Variants in ANO1 observed in about 807,000 individuals in gnomAD.
ANO1 encodes anoctamin 1.
Under a neutral mutation model 124.0 loss-of-function variants are expected in ANO1, and 59 were observed. That is an observed-to-expected ratio of 0.48 (90% CI 0.39 to 0.59). The LOEUF is 0.59. Among genes scored for constraint, ANO1 ranks in the 20% least tolerant of loss-of-function variants. The probability of loss-of-function intolerance (pLI) is 0.00; values close to 1 mark genes in which losing one functional copy is unlikely to be tolerated. For missense variants in ANO1, 1,059 were observed against 1,328.0 expected, an observed-to-expected ratio of 0.80 and a Z score of 3.15; for synonymous variants, 529 against 532.0, an observed-to-expected ratio of 0.99 and a Z score of 0.08.
At chr11:69,976,329 G>A in the ANO1 span, among the ~76,000 whole-genome samples, 1 of 151,872 alleles carries the variant, frequency 6.6e-6, no homozygotes, top group Non-Finnish European at 1.5e-5. Flanking sequence ...CTAACACGGT[G>A]AAACCCCGTC....
At chr11:70,106,456 G>A (rs755016) in intron 5 of ANO1, among the ~76,000 whole-genome samples, 52,400 of 152,052 alleles carry the variant, frequency 0.34, 10,708 homozygotes, top group East Asian at 0.57. Flanking sequence ...CAGAGGGCTG[G>A]GAGGAGACAG....
intron 2 of ANO1, among the ~76,000 whole-genome samples, chr11:70,089,831 G>A (rs1320390917): frequency 6.6e-6 from 1 of 152,172 alleles, no homozygotes; most frequent in Non-Finnish European, 1.5e-5. Flanking sequence ...AGAACAATGC[G>A]GCTACTATAC....
intron 22 of ANO1, among the ~76,000 whole-genome samples, chr11:70,177,801 G>T (rs755121754): frequency 1.1e-4 from 17 of 152,030 alleles, no homozygotes; most frequent in Non-Finnish European, 2.1e-4. Context: ...GCTTCGCCAT[G>T]TTGGCCAGGC....
intron 1 of ANO1, among the ~76,000 whole-genome samples, chr11:70,016,889 C>A (rs781894533): frequency 7.9e-5 from 12 of 152,270 alleles, no homozygotes; most frequent in Non-Finnish European, 1.2e-4. Context: ...TCTCACACTG[C>A]AGCCCTCTGT....
Position 70,116,455 on chromosome 11 carries a change from C to T in ANO1, c.856-3C>T. ...GAACGTCCCTTTCCTCTTTTTTTAACAGGGAGACTACAACGGTGAAAACGT... is the reference window on the plus strand; with the variant it reads ...GAACGTCCCTTTCCTCTTTTTTTAATAGGGAGACTACAACGGTGAAAACGT... On this transcript the variant is annotated splice_polypyrimidine_tract_variant and splice_region_variant and intron_variant, in intron 7 of 25. Coordinates refer to ENST00000355303, the MANE Select transcript of ANO1 (RefSeq NM_018043.7). The T allele has an allele frequency of 1.9e-6, 3 of 1,597,102 alleles. No homozygotes were observed. Among genetic ancestry groups the T allele is most frequent in the Non-Finnish European group, 2.6e-6 (3 of 1,171,624 alleles).
At chr11:70,122,299 T>C (rs1339967273) in intron 8 of ANO1, among the ~76,000 whole-genome samples, 1 of 103,796 alleles carries the variant, frequency 9.6e-6, no homozygotes, top group Non-Finnish European at 1.9e-5. Flanking sequence ...TCTCTCTCCA[T>C]CTCCCCCGCC....
chr11:69,989,744 A>G (rs887455600), intron 1 of ANO1, among the ~76,000 whole-genome samples: 2 of 152,150 alleles, frequency 1.3e-5, no homozygotes, highest in Non-Finnish European at 2.9e-5. Flanking sequence ...AGGCTCTTGC[A>G]ATAATCCAGG....
chr11:70,179,000 A>G (rs564475355), intron 22 of ANO1, among the ~76,000 whole-genome samples: 56 of 152,370 alleles, frequency 3.7e-4, no homozygotes, highest in African/African-American at 1.3e-3. Context: ...GGGGCCACAC[A>G]GGGGCCTGAG....
intron 4 of ANO1, among the ~76,000 whole-genome samples, chr11:70,105,309 T>C (rs1384215178): frequency 6.6e-6 from 1 of 152,064 alleles, no homozygotes; most frequent in Non-Finnish European, 1.5e-5. Context: ...ACCCAAACCA[T>C]TGGAAATACA....
In ANO1 at chr11:70,170,866, A is replaced by G. The variant is rs757213780; in HGVS notation, c.2198-21A>G. ...GGCTGTGGCTCACGGGGTGCTGACT[A>G]GCACTGGGCTCTCTCTGCAGTCATC... On this transcript the variant is annotated intron_variant, in intron 21 of 25. Coordinates refer to ENST00000355303, the MANE Select transcript of ANO1 (RefSeq NM_018043.7). The G allele has an allele frequency of 2.5e-6, 4 of 1,610,904 alleles. No individual in the cohort carries two copies. The East Asian group carries it at 6.7e-5, about 27-fold the overall frequency.
At chr11:70,184,133 G>A (rs2049023873) in intron 24 of ANO1, among the ~76,000 whole-genome samples, 1 of 152,200 alleles carries the variant, frequency 6.6e-6, no homozygotes, top group Non-Finnish European at 1.5e-5. Context: ...TGGAAATCCT[G>A]CCCCTCATGG....
At chr11:70,096,838 G>A (rs1590720557) in intron 2 of ANO1, among the ~76,000 whole-genome samples, 1 of 152,048 alleles carries the variant, frequency 6.6e-6, no homozygotes, top group Non-Finnish European at 1.5e-5. Flanking sequence ...TCCAGCCTGG[G>A]TGACAGAGTG....
At chr11:70,080,556 A>G (rs972395182) in intron 1 of ANO1, among the ~76,000 whole-genome samples, 3 of 152,166 alleles carry the variant, frequency 2.0e-5, no homozygotes, top group Non-Finnish European at 2.9e-5. Context: ...AATGTTCAAT[A>G]AGAAATGGAG....
At position 70,104,018 on chromosome 11, in the gene ANO1, C is replaced by T; in HGVS notation, c.560C>T (p.Thr187Ile). The T allele has an allele frequency of 6.2e-7, 1 of 1,612,232 alleles. No homozygotes were observed. The highest frequency in any genetic ancestry group is 8.5e-7 in the Non-Finnish European group (1 of 1,179,232). The change falls in exon 4 of 26, where the codon ACC (threonine) becomes ATC (isoleucine). Residue 187 changes from threonine (T) to isoleucine (I), a missense_variant. Transcript: ENST00000355303. ...CTGCAGATGTACCACATTAATGAGA[C>T]CCGTGGCCTCCTGAAAAAAATCAAC... ...PTKKMYHINE[T>I]RGLLKKINSV...
At chr11:70,061,130 T>C (rs1857565160) in intron 1 of ANO1, among the ~76,000 whole-genome samples, 1 of 152,034 alleles carries the variant, frequency 6.6e-6, no homozygotes, top group South Asian at 2.1e-4. Flanking sequence ...TGTATGCTGA[T>C]GGGGGATTAT....
intron 1 of ANO1, among the ~76,000 whole-genome samples, chr11:70,037,540 A>G (rs1313634628): frequency 6.6e-6 from 1 of 152,082 alleles, no homozygotes; most frequent in African/African-American, 2.4e-5. Context: ...GGAAGGACCC[A>G]GGTGGCCTAG....
At position 70,165,709 on chromosome 11, in the gene ANO1, C is replaced by A; in HGVS notation, c.2051+139C>A. 7 of 723,798 alleles carry A rather than the reference C, an allele frequency of 9.7e-6. No individual in the cohort carries two copies. The South Asian group carries it at 1.1e-4, about 11-fold the overall frequency. The allele number at this position is 723,798 out of a possible 1,614,324, so 44.8% of individuals were successfully genotyped here. ...TAGAAGCAGGGAGAGAAGGAGGACA[C>A]AGAGGGAAGGTGGGGCAAAAGCCAC... On this transcript the variant is annotated intron_variant, in intron 20 of 25. Transcript: ENST00000355303.
At chr11:70,073,204 G>A (rs1056263278) in intron 1 of ANO1, among the ~76,000 whole-genome samples, 2 of 151,216 alleles carry the variant, frequency 1.3e-5, no homozygotes, top group African/African-American at 2.4e-5. Context: ...GTCCCGCTGC[G>A]GGGAGTCCGA....
At position 70,160,038 on chromosome 11, in the gene ANO1, C is replaced by T. The variant is rs186237058; in HGVS notation, c.1579-1123C>T. Among the ~76,000 whole-genome samples the T allele has an allele frequency of 5.9e-5, 9 of 152,278 alleles. No individual in the cohort carries two copies. The East Asian group carries it at 1.7e-3, about 29-fold the overall frequency. On this transcript the variant is annotated intron_variant, in intron 16 of 25. Coordinates refer to ENST00000355303, the MANE Select transcript of ANO1 (RefSeq NM_018043.7). The stretch of plus-strand genomic sequence containing the variant: ...TAGGTTTCTGAAAGCTGCAGACACC[C>T]TCTGGGGCAAACAGACCCATCCCAG...
Sources: gnomAD v4.1 joint callset for allele counts (sites outside exome capture counted in the v4.1 genomes callset) on GRCh38, gnomAD v4.1.1 for gene constraint, MANE v1.5 for transcripts, NCBI Gene and HGNC (gene_info 2026-07-23, HGNC 2026-07-21) for gene names.